The following TMEM120B variants were observed in gnomAD, a reference collection of about 807,000 sequenced individuals.
The protein encoded by TMEM120B is transmembrane protein 120B.
Under a neutral mutation model 55.5 loss-of-function variants are expected in TMEM120B, and 31 were observed. That is an observed-to-expected ratio of 0.56 (90% CI 0.42 to 0.75). The LOEUF is 0.75. Among genes scored for constraint, TMEM120B ranks in the 30% least tolerant of loss-of-function variants. TMEM120B has a pLI of 0.00. For missense variants in TMEM120B, 399 were observed against 425.5 expected (o/e 0.94, Z 0.55); for synonymous variants, 203 against 176.3 (o/e 1.15, Z -1.20).
intron 1 of TMEM120B, among the ~76,000 whole-genome samples, chr12:121,722,162 G>T (rs1169127898): frequency 2.4e-5 from 3 of 124,148 alleles, no homozygotes; most frequent in African/African-American, 6.1e-5. Context: ...ACAGTGGCAC[G>T]ATCTCGGCTC....
chr12:121,752,280 C>A, intron 5 of TMEM120B, 57 bp downstream of exon 5: 1 of 1,478,348 alleles, frequency 6.8e-7, no homozygotes. Flanking sequence ...AGGTGGGGGC[C>A]GGGAGAGAGG....
intron 6 of TMEM120B, 132 bp from the exon 7 acceptor site, chr12:121,770,775 A>G: frequency 1.3e-6 from 1 of 783,542 alleles, no homozygotes; most frequent in South Asian, 1.5e-5. Context: ...TCAGGGTTCC[A>G]GTCTGTTTCT....
intron 1 of TMEM120B, among the ~76,000 whole-genome samples, chr12:121,738,460 C>G (rs1872819778): frequency 6.6e-6 from 1 of 152,156 alleles, no homozygotes; most frequent in African/African-American, 2.4e-5. Flanking sequence ...GTGCGGGCCC[C>G]TTATCTCGCA....
At chr12:121,754,189 A>G (rs1873413576) in intron 5 of TMEM120B, among the ~76,000 whole-genome samples, 1 of 152,224 alleles carries the variant, frequency 6.6e-6, no homozygotes, top group Admixed American at 6.5e-5. Context: ...TGCTGCCCAG[A>G]GCCTGGCCTG....
chr12:121,738,050 T>C (rs1438223234), intron 1 of TMEM120B, among the ~76,000 whole-genome samples: 1 of 148,772 alleles, frequency 6.7e-6, no homozygotes, highest in Non-Finnish European at 1.5e-5. Context: ...GCACAGTGGC[T>C]CACACCTGTA....
chr12:121,746,455 G>A (rs940057918), intron 2 of TMEM120B, among the ~76,000 whole-genome samples: 1 of 152,042 alleles, frequency 6.6e-6, no homozygotes, highest in Non-Finnish European at 1.5e-5. Flanking sequence ...CCAACGTATT[G>A]GGATTACAGG....
chr12:121,724,030 C>CTTTTTTTTTTTTTTTTTTT (rs56972824), intron 1 of TMEM120B, among the ~76,000 whole-genome samples: 1 of 75,962 alleles, frequency 1.3e-5, no homozygotes, highest in African/African-American at 5.3e-5. Context: ...TCAAGTGATC[C>CTTTTTTTTTTTTTTTTTTT]TTTTTTTTTT....
intron 6 of TMEM120B, among the ~76,000 whole-genome samples, chr12:121,766,202 G>A (rs1163597963): frequency 6.6e-6 from 1 of 152,118 alleles, no homozygotes; most frequent in Non-Finnish European, 1.5e-5. Context: ...AGGGGAGCAG[G>A]TAGGGGTGGG....
intron 1 of TMEM120B, among the ~76,000 whole-genome samples, chr12:121,739,798 CTTTTTTTTTTTTT>C (rs200085137): frequency 1.0e-5 from 1 of 99,214 alleles, no homozygotes; most frequent in South Asian, 3.6e-4. Context: ...TGCAACACTT[CTTTTTTTTTTTTT>C]TTTTTTTTTT....
At chr12:121,722,667 G>A (rs1187720387) in intron 1 of TMEM120B, among the ~76,000 whole-genome samples, 1 of 152,030 alleles carries the variant, frequency 6.6e-6, no homozygotes, top group Non-Finnish European at 1.5e-5. Context: ...ACAGTATATT[G>A]CTTAATGATA....
chr12:121,730,313 G>C (rs556726126), intron 1 of TMEM120B, among the ~76,000 whole-genome samples: 1 of 151,240 alleles, frequency 6.6e-6, no homozygotes, highest in South Asian at 2.1e-4. Context: ...GGTGAGCCTG[G>C]AGCACATTAT....
chr12:121,765,120 C>A (rs1044242389), intron 6 of TMEM120B, among the ~76,000 whole-genome samples: 1 of 142,668 alleles, frequency 7.0e-6, no homozygotes, highest in Non-Finnish European at 1.5e-5. Context: ...TCTTTTCTTT[C>A]TTTTCTTTCT....
Position 121,775,977 on chromosome 12 carries a change from G to T in TMEM120B, c.*255G>T. 1 of 597,510 alleles carries T rather than the reference G, an allele frequency of 1.7e-6. No individual in the cohort carries two copies. The highest frequency in any genetic ancestry group is 2.0e-5 in the South Asian group (1 of 49,630). 37.0% of individuals were successfully genotyped at this position (597,510 alleles called of 1,614,324 possible). On this transcript the variant is annotated 3_prime_UTR_variant, in exon 12 of 12. Coordinates refer to ENST00000449592, the MANE Select transcript of TMEM120B (RefSeq NM_001080825.2). The surrounding 1 kb of genome is among the most constrained non-coding windows in gnomAD (Gnocchi z 4.3). ...GGCCTCACTCCTGTGCTTGAAGGTG[G>T]CTGAGGCCGGGCCAGTCTTCCTGGG... is the stretch of plus-strand genomic sequence containing the variant.
intron 1 of TMEM120B, among the ~76,000 whole-genome samples, chr12:121,737,894 C>T (rs868241368): frequency 6.6e-6 from 1 of 151,578 alleles, no homozygotes; most frequent in African/African-American, 2.4e-5. Flanking sequence ...CCTGTAGTCC[C>T]AGCTACTTGG....
chr12:121,723,318 C>T (rs900735994), intron 1 of TMEM120B, among the ~76,000 whole-genome samples: 2 of 152,084 alleles, frequency 1.3e-5, no homozygotes, highest in African/African-American at 4.8e-5. Flanking sequence ...CAGGCATGTG[C>T]CACTGTGCTC....
chr12:121,718,896 C>G (rs1336941457), intron 1 of TMEM120B, among the ~76,000 whole-genome samples: 1 of 151,880 alleles, frequency 6.6e-6, no homozygotes, highest in Non-Finnish European at 1.5e-5. Context: ...GTGTGGATGT[C>G]TCTCTCTCTC....
chr12:121,775,278 G>A lies in TMEM120B; in HGVS notation c.906+148G>A, dbSNP rs1874201482. On this transcript the variant is annotated intron_variant, in intron 11 of 11. Coordinates refer to ENST00000449592, the MANE Select transcript of TMEM120B (RefSeq NM_001080825.2). This position sits in a 1 kb window ranked among gnomAD's most constrained non-coding sequence, Gnocchi z 4.3. ...GGTGGGGTGTGTGCGTGTGTGTGGTGTGCTGTGGGGAGGTTCCTGGGGCGG... is the reference window on the plus strand; with the variant it reads ...GGTGGGGTGTGTGCGTGTGTGTGGTATGCTGTGGGGAGGTTCCTGGGGCGG... 2 of 1,097,282 alleles carry A rather than the reference G, an allele frequency of 1.8e-6. No individual in the cohort carries two copies. Among genetic ancestry groups the A allele is most frequent in the East Asian group, 2.6e-5 (1 of 38,068 alleles). The allele number at this position is 1,097,282 out of a possible 1,614,324, so 68.0% of individuals were successfully genotyped here.
At chr12:121,774,500 G>A (rs940805296) in intron 9 of TMEM120B, among the ~76,000 whole-genome samples, 158 bp from the exon 10 acceptor site, 5 of 152,180 alleles carry the variant, frequency 3.3e-5, no homozygotes, top group Non-Finnish European at 7.3e-5. Flanking sequence ...CATAGTGAAT[G>A]CCCACCCAGC....
At chr12:121,761,538 G>A (rs76845075) in intron 5 of TMEM120B, 111 bp from the exon 6 acceptor site, 26,243 of 732,236 alleles carry the variant, frequency 0.036, 1,096 homozygotes, top group East Asian at 0.16. Context: ...CAGAGGCAGC[G>A]CGTGCTGTGG....
Sources: allele counts gnomAD v4.1 joint callset (sites outside exome capture counted in the v4.1 genomes callset), GRCh38; gene constraint gnomAD v4.1.1; non-coding constraint Gnocchi (gnomAD v3.1); transcripts MANE v1.5; gene names NCBI Gene and HGNC (gene_info 2026-07-23, HGNC 2026-07-21).